Variants in ATRX observed in about 807,000 individuals in gnomAD.
The protein encoded by ATRX is chromatin remodeler ATRX.
A neutral mutation model predicts 172.6 loss-of-function variants in ATRX; 12 were observed. That is an observed-to-expected ratio of 0.07 (90% CI 0.04 to 0.11). The LOEUF is 0.11. ATRX is among the 10% of genes least tolerant of loss of function. The probability of loss-of-function intolerance (pLI) is 1.00; values close to 1 mark genes in which losing one functional copy is unlikely to be tolerated. For synonymous variants in ATRX, 674 were observed against 594.7 expected, an observed-to-expected ratio of 1.13 and a Z score of -1.94; for missense variants, 1,368 against 1,767.4, an observed-to-expected ratio of 0.77 and a Z score of 4.05.
In ATRX at chrX:77,745,281, G is replaced by C. The variant is rs782176232; in HGVS notation, c.21-28038C>G. Reference sequence around the variant, plus strand: ...AAATCAGTATATCAAAGAGTTATCTGCACTCCCATGATTACTGCAGCACTA... The same window carrying C: ...AAATCAGTATATCAAAGAGTTATCTCCACTCCCATGATTACTGCAGCACTA... On this transcript the variant is annotated intron_variant, in intron 1 of 34. Coordinates refer to ENST00000373344, the MANE Select transcript of ATRX (RefSeq NM_000489.6). Among the ~76,000 whole-genome samples the C allele has an allele frequency of 4.6e-5, 5 of 108,562 alleles. No homozygotes were observed. The East Asian group carries it at 1.2e-3, about 25-fold the overall frequency. 94.3% of individuals were successfully genotyped at this position (108,562 alleles called of 115,157 possible). A position where few individuals can be genotyped will look rare whatever the true frequency, so the allele number is the denominator to read the frequency against.
At chrX:77,671,167 A>AAAAAATAAAT (rs1424480831) in intron 10 of ATRX, among the ~76,000 whole-genome samples, 1 of 15,735 alleles carries the variant, frequency 6.4e-5, no homozygotes, top group Non-Finnish European at 1.2e-4. Context: ...AAAAAAAAAA[A>AAAAAATAAAT]ATATATATAT....
chrX:77,622,456 G>A (rs782276365), intron 19 of ATRX, among the ~76,000 whole-genome samples: 26 of 111,693 alleles, frequency 2.3e-4, no homozygotes, highest in African/African-American at 8.1e-4. Context: ...GGTAGAGGAA[G>A]TAGCAGAAAG....
Position 77,637,034 on chromosome X carries a change from G to GAGGAGGA in ATRX, c.4558-985_4558-979dup, listed in dbSNP as rs2068416207. Among the ~76,000 whole-genome samples the GAGGAGGA allele has an allele frequency of 3.8e-5, 4 of 106,070 alleles. No individual in the cohort carries two copies. In the South Asian group the frequency reaches 1.7e-3, roughly 46 times the overall value. 92.1% of individuals were successfully genotyped at this position (106,070 alleles called of 115,157 possible). Reference sequence around the variant, plus strand: ...AGAAGGAGGAGGAAGAAGAAGGAAGGAGGAGGAAGGAGGAGGAAGAAGAAA... The same window carrying GAGGAGGA: ...AGAAGGAGGAGGAAGAAGAAGGAAGGAGGAGGAAGGAGGAAGGAGGAGGAAGAAGAAA... On this transcript the variant is annotated intron_variant, in intron 15 of 34. Coordinates refer to ENST00000373344, the MANE Select transcript of ATRX (RefSeq NM_000489.6).
At chrX:77,612,955 G>C (rs1417758251) in intron 22 of ATRX, among the ~76,000 whole-genome samples, 1 of 111,729 alleles carries the variant, frequency 9.0e-6, no homozygotes, top group African/African-American at 3.2e-5. Flanking sequence ...ATATTCCACT[G>C]AAGTATGTCC....
intron 30 of ATRX, among the ~76,000 whole-genome samples, chrX:77,530,587 CAACAGAGTGAGACTCCGTCTCA>C (rs2063541980): frequency 9.0e-6 from 1 of 110,940 alleles, no homozygotes; most frequent in African/African-American, 3.3e-5. Context: ...CCAACCTGGG[CAACAGAGTGAGACTCCGTCTCA>C]AAACAAACAA....
In ATRX at chrX:77,682,986, A is replaced by G. The variant is rs782501543; in HGVS notation, c.2270T>C (p.Ile757Thr). ...SSSSDTDINE[I>T]HTNHKTLYDL... ...ATACAAAGTCTTATGGTTTGTATGA[A>G]TTTCATTAATATCAGTATCTGAAGA... is the stretch of plus-strand genomic sequence containing the variant. Residue 757 changes from isoleucine to threonine, a missense_variant, in exon 9 of 35, where the codon ATT becomes ACT. Ile to Thr is a moderately conservative substitution (Grantham distance 89). Coordinates refer to ENST00000373344, the MANE Select transcript of ATRX (RefSeq NM_000489.6). 2 of 1,210,268 alleles carry G rather than the reference A, an allele frequency of 1.7e-6. No individual in the cohort carries two copies. The highest frequency in any genetic ancestry group is 1.8e-5 in the South Asian group (1 of 56,946).
chrX:77,641,386 T>C (rs2068646401), intron 15 of ATRX, among the ~76,000 whole-genome samples: 1 of 110,037 alleles, frequency 9.1e-6, no homozygotes, highest in Non-Finnish European at 1.9e-5. Flanking sequence ...CAGACCAGCC[T>C]GGGCAACGTG....
chrX:77,640,315 C>T (rs998524586), intron 15 of ATRX, among the ~76,000 whole-genome samples: 1 of 110,210 alleles, frequency 9.1e-6, no homozygotes, highest in Non-Finnish European at 1.9e-5. Flanking sequence ...CCCCCCACCC[C>T]GTATCTAAAC....
intron 1 of ATRX, among the ~76,000 whole-genome samples, chrX:77,742,599 A>G (rs1328733238): frequency 8.9e-6 from 1 of 112,114 alleles, no homozygotes; most frequent in Non-Finnish European, 1.9e-5. Flanking sequence ...CACTTTGGAT[A>G]TATTATCCCA....
At chrX:77,784,402 T>C (rs1379519760) in intron 1 of ATRX, among the ~76,000 whole-genome samples, 1 of 112,404 alleles carries the variant, frequency 8.9e-6, no homozygotes, top group Non-Finnish European at 1.9e-5. Flanking sequence ...ATTCAGAAAT[T>C]CTATATACGT....
chrX:77,654,242 A>C (rs2069427651), intron 13 of ATRX, 42 bp from the exon 14 acceptor site: 1 of 1,037,752 alleles, frequency 9.6e-7, no homozygotes, highest in Non-Finnish European at 1.3e-6. Context: ...TTTCATGATA[A>C]ACTTCCATCA....
intron 1 of ATRX, among the ~76,000 whole-genome samples, chrX:77,751,836 T>C (rs2075313066): frequency 9.0e-6 from 1 of 111,443 alleles, no homozygotes; most frequent in Admixed American, 9.6e-5. Context: ...AGATGTGTGG[T>C]GTTATTTCTG....
chrX:77,516,263 A>G (rs1557039074), intron 34 of ATRX, among the ~76,000 whole-genome samples: 1 of 112,243 alleles, frequency 8.9e-6, no homozygotes, highest in Non-Finnish European at 1.9e-5. Flanking sequence ...ATATAAATGG[A>G]CTAAACTCTC....
chrX:77,683,355 C>G lies in ATRX; in HGVS notation c.1901G>C (p.Ser634Thr), dbSNP rs942589012. The G allele has an allele frequency of 1.7e-6, 2 of 1,211,292 alleles. No homozygotes were observed. Among genetic ancestry groups the G allele is most frequent in the East Asian group, 3.0e-5 (1 of 33,820 alleles). Residue 634 changes from serine to threonine, a missense_variant, in exon 9 of 35, where the codon AGT (serine) becomes ACT (threonine). Physicochemically the swap from Ser to Thr is moderately conservative, Grantham distance 58. Transcript: ENST00000373344. ...ATTTTCAACCAAATGCTCATTATCA[C>G]TGTTTTCCTGTCCAAGTCCACATTT... ...LEKCGLGQEN[S>T]DNEHLVENEV...
chrX:77,517,914 A>G (rs995559869), intron 34 of ATRX, among the ~76,000 whole-genome samples: 1 of 112,424 alleles, frequency 8.9e-6, no homozygotes, highest in Admixed American at 9.4e-5. Flanking sequence ...ATGAAGGACA[A>G]AAACTGTATG....
At chrX:77,672,208 C>T (rs1419283267) in intron 10 of ATRX, among the ~76,000 whole-genome samples, 1 of 109,900 alleles carries the variant, frequency 9.1e-6, no homozygotes, top group Non-Finnish European at 1.9e-5. Flanking sequence ...GTTTTGCTAA[C>T]GAAACAGAAC....
chrX:77,716,117 T>G (rs1184213005), intron 2 of ATRX, among the ~76,000 whole-genome samples: 1 of 21,509 alleles, frequency 4.6e-5, no homozygotes, highest in Non-Finnish European at 9.4e-5. Context: ...AAAATTTTTT[T>G]TTTTTTTTTT....
At chrX:77,650,020 A>G (rs2069131548) in intron 15 of ATRX, among the ~76,000 whole-genome samples, 1 of 112,503 alleles carries the variant, frequency 8.9e-6, no homozygotes, top group Admixed American at 9.4e-5. Context: ...GAAGTACACT[A>G]TATTCATGTA....
chrX:77,654,938 C>T (rs190208214), intron 13 of ATRX, among the ~76,000 whole-genome samples: 1 of 111,460 alleles, frequency 9.0e-6, no homozygotes, highest in East Asian at 2.8e-4. Context: ...ACGTGGTATA[C>T]AATGGAACAT....
Sources: allele counts gnomAD v4.1 joint callset (sites outside exome capture counted in the v4.1 genomes callset), GRCh38; gene constraint gnomAD v4.1.1; transcripts MANE v1.5; gene names NCBI Gene and HGNC (gene_info 2026-07-23, HGNC 2026-07-21).